The following NFIB variants were observed in gnomAD, a reference collection of about 807,000 sequenced individuals.
The protein encoded by NFIB is nuclear factor I B, also known as nuclear factor 1 B-type.
A neutral mutation model predicts 61.5 loss-of-function variants in NFIB; 11 were observed. That is an observed-to-expected ratio of 0.18 (90% confidence interval 0.11 to 0.30). The LOEUF (loss-of-function observed/expected upper bound fraction) is 0.30, where lower values mean the gene tolerates loss of function less well. NFIB is among the 10% of genes least tolerant of loss of function. The pLI is 1.00. For missense variants in NFIB, 471 were observed against 608.9 expected, an observed-to-expected ratio of 0.77 and a Z score of 2.38; for synonymous variants, 260 against 216.5, an observed-to-expected ratio of 1.20 and a Z score of -1.76.
chr9:14,383,982 T>C (rs1314801797), intron 1 of NFIB, among the ~76,000 whole-genome samples: 1 of 152,238 alleles, frequency 6.6e-6, no homozygotes, highest in Non-Finnish European at 1.5e-5. Context: ...GGCCAAGGCC[T>C]TGCAGAGAAA....
chr9:14,298,107 G>C (rs1224605265), intron 2 of NFIB, among the ~76,000 whole-genome samples: 2 of 152,074 alleles, frequency 1.3e-5, no homozygotes, highest in Non-Finnish European at 1.5e-5. Context: ...AGCTATTTAA[G>C]TCACAAAAGA....
intron 1 of NFIB, chr9:14,362,589 T>C (rs978551436): frequency 2.0e-5 from 3 of 152,122 alleles, no homozygotes; most frequent in African/African-American, 7.2e-5. Flanking sequence ...GCCCTGTGTT[T>C]TCTTGGTTTA....
intron 2 of NFIB, among the ~76,000 whole-genome samples, chr9:14,248,855 T>C (rs1181875341): frequency 6.6e-6 from 1 of 152,184 alleles, no homozygotes. Flanking sequence ...AAGCCTTCAC[T>C]GTGGAAAGAG....
chr9:14,168,441 G>A (rs577170155), intron 3 of NFIB, among the ~76,000 whole-genome samples: 1 of 152,336 alleles, frequency 6.6e-6, no homozygotes, highest in African/African-American at 2.4e-5. Flanking sequence ...GGGAGTACAA[G>A]CATTCTAGGC....
chr9:14,522,288 G>A, the NFIB span, among the ~76,000 whole-genome samples: 640 of 151,714 alleles, frequency 4.2e-3, 8 homozygotes, highest in African/African-American at 0.015. Flanking sequence ...ATATTCCAGC[G>A]TTTATGTGTG....
chr9:14,277,344 GACACAC>G lies in NFIB; in HGVS notation c.562+29639_562+29644del, dbSNP rs33999296. On this transcript the variant is annotated intron_variant, in intron 2 of 10. Coordinates refer to ENST00000380953, the MANE Select transcript of NFIB (RefSeq NM_001190737.2). ...GCGCACACACGTGCACGCACACACA[GACACAC>G]ACACACACACACACACACATTTTTG... Among the ~76,000 whole-genome samples the G allele has an allele frequency of 4.7e-5, 7 of 149,356 alleles. No individual in the cohort carries two copies. The East Asian group carries it at 5.9e-4, about 13-fold the overall frequency.
chr9:14,113,324 T>C (rs190567092), intron 9 of NFIB, among the ~76,000 whole-genome samples: 6 of 152,318 alleles, frequency 3.9e-5, no homozygotes, highest in Admixed American at 1.3e-4. Flanking sequence ...TACTTCAGTG[T>C]GGGTGTCTCA....
chr9:14,422,875 T>A, the NFIB span, among the ~76,000 whole-genome samples: 2 of 152,206 alleles, frequency 1.3e-5, no homozygotes, highest in Non-Finnish European at 2.9e-5. Context: ...ATGCTGGGCA[T>A]GTAAAACAAA....
exon 1 of NFIB, chr9:14,398,624 C>G: frequency 6.5e-7 from 1 of 1,529,740 alleles, no homozygotes; most frequent in Non-Finnish European, 8.7e-7. Flanking sequence ...CACTGGGATT[C>G]TTTCCATACT....
At chr9:14,266,949 A>G (rs1448587368) in intron 2 of NFIB, among the ~76,000 whole-genome samples, 2 of 152,360 alleles carry the variant, frequency 1.3e-5, no homozygotes, top group East Asian at 3.9e-4. Context: ...CCAAGAGATG[A>G]AAGCAGACAG....
intron 1 of NFIB, among the ~76,000 whole-genome samples, chr9:14,323,325 G>T (rs994629881): frequency 6.6e-6 from 1 of 152,150 alleles, no homozygotes; most frequent in African/African-American, 2.4e-5. Flanking sequence ...TGTTCATAAA[G>T]CAAGCAGTTT....
At chr9:14,293,178 T>G (rs1179457597) in intron 2 of NFIB, among the ~76,000 whole-genome samples, 2 of 152,220 alleles carry the variant, frequency 1.3e-5, no homozygotes, top group Admixed American at 6.5e-5. Context: ...CACTAATCAG[T>G]GTTTTCCAAA....
At chr9:14,404,727 G>A in the NFIB span, among the ~76,000 whole-genome samples, 1 of 152,176 alleles carries the variant, frequency 6.6e-6, no homozygotes, top group East Asian at 1.9e-4. Context: ...GGGAGCTAGT[G>A]AGTTAAAGAG....
intron 2 of NFIB, among the ~76,000 whole-genome samples, chr9:14,303,524 T>C (rs1054991994): frequency 6.6e-6 from 1 of 152,206 alleles, no homozygotes; most frequent in African/African-American, 2.4e-5. Flanking sequence ...CTTTAATCTG[T>C]CCCAGTTTTT....
intron 2 of NFIB, among the ~76,000 whole-genome samples, chr9:14,288,339 A>G (rs547526218): frequency 7.0e-6 from 1 of 142,940 alleles, no homozygotes; most frequent in South Asian, 2.3e-4. Context: ...GTTACGATTC[A>G]ATAATAAAAA....
chr9:14,083,617 T>C lies in NFIB; in HGVS notation c.*4692A>G, dbSNP rs1321692128. The C allele has an allele frequency of 8.8e-6, 2 of 228,468 alleles. No individual in the cohort carries two copies. Among genetic ancestry groups the C allele is most frequent in the Non-Finnish European group, 1.7e-5 (2 of 114,850 alleles). The allele number at this position is 228,468 out of a possible 1,614,324, so 14.2% of individuals were successfully genotyped here. A position where few individuals can be genotyped will look rare whatever the true frequency, so the allele number is the denominator to read the frequency against. On this transcript the variant is annotated 3_prime_UTR_variant, in exon 11 of 11. Coordinates refer to ENST00000380953, the MANE Select transcript of NFIB (RefSeq NM_001190737.2). The stretch of plus-strand genomic sequence containing the variant: ...TTGAATGTCATGCTTGGGGCCTATC[T>C]GCCAGCAATATTGTAGAGTTGTTTC...
At chr9:14,498,775 C>G in the NFIB span, among the ~76,000 whole-genome samples, 2 of 71,198 alleles carry the variant, frequency 2.8e-5, no homozygotes, top group African/African-American at 6.4e-5. Flanking sequence ...CCCTCCCTCC[C>G]TCCCTCCCTC....
intron 3 of NFIB, among the ~76,000 whole-genome samples, chr9:14,168,464 T>C (rs546034740): frequency 6.6e-6 from 1 of 152,166 alleles, no homozygotes; most frequent in African/African-American, 2.4e-5. Context: ...AGAAACAACA[T>C]GAGCAAAGAT....
At chr9:14,489,629 T>C in the NFIB span, among the ~76,000 whole-genome samples, 4 of 152,166 alleles carry the variant, frequency 2.6e-5, no homozygotes, top group African/African-American at 4.8e-5. Flanking sequence ...TTCTCCTCCA[T>C]AGGGACAATC....
Sources: gnomAD v4.1 joint callset for allele counts (sites outside exome capture counted in the v4.1 genomes callset) on GRCh38, gnomAD v4.1.1 for gene constraint, MANE v1.5 for transcripts, NCBI Gene and HGNC (gene_info 2026-07-23, HGNC 2026-07-21) for gene names.